Variants in ELP4 observed in about 807,000 individuals in gnomAD.
The protein encoded by ELP4 is elongator complex protein 4.
A neutral mutation model predicts 48.9 loss-of-function variants in ELP4; 51 were observed. That is an observed-to-expected ratio of 1.04 (90% CI 0.83 to 1.32). The LOEUF (loss-of-function observed/expected upper bound fraction) is 1.32. ELP4 is among the 40% of genes most tolerant of loss of function. The pLI, the probability that ELP4 is intolerant of heterozygous loss-of-function variation, is 0.00. For missense variants in ELP4, 519 were observed against 514.6 expected (o/e 1.01, Z -0.08); for synonymous variants, 210 against 189.2 (o/e 1.11, Z -0.90).
At chr11:31,517,893 C>T (rs1362955052) in intron 1 of ELP4, among the ~76,000 whole-genome samples, 4 of 152,094 alleles carry the variant, frequency 2.6e-5, no homozygotes, top group African/African-American at 7.2e-5. Context: ...GCTGGGATTA[C>T]AGTCGTGAGC....
At chr11:31,738,581 C>T (rs899785665) in intron 9 of ELP4, among the ~76,000 whole-genome samples, 2 of 151,752 alleles carry the variant, frequency 1.3e-5, no homozygotes, top group Non-Finnish European at 2.9e-5. Flanking sequence ...ACAAAAAATA[C>T]AAAAGTTTGC....
At chr11:31,577,663 C>T (rs1957309860) in intron 3 of ELP4, among the ~76,000 whole-genome samples, 1 of 151,990 alleles carries the variant, frequency 6.6e-6, no homozygotes, top group African/African-American at 2.4e-5. Context: ...TAAATGTAAT[C>T]CATCGTATAA....
chr11:31,537,047 G>A (rs927727610), intron 2 of ELP4, among the ~76,000 whole-genome samples: 16 of 151,834 alleles, frequency 1.1e-4, no homozygotes, highest in African/African-American at 3.6e-4. Context: ...AGAAACATTT[G>A]CCTACTCCAA....
At chr11:31,713,788 A>C (rs1235431746) in intron 9 of ELP4, among the ~76,000 whole-genome samples, 1 of 152,180 alleles carries the variant, frequency 6.6e-6, no homozygotes, top group African/African-American at 2.4e-5. Context: ...AAACATACAC[A>C]AAAGTAGAGA....
Position 31,635,731 on chromosome 11 carries a change from T to A in ELP4, c.927+3326T>A, listed in dbSNP as rs542178538. On this transcript the variant is annotated intron_variant, in intron 7 of 9. Coordinates refer to ENST00000640961, the MANE Select transcript of ELP4 (RefSeq NM_019040.5). Reference sequence around the variant, plus strand: ...TGGCACATAGTAGGCATTCAATATATGTTAGCAGTTGTCATCTTCACTATT... The same window carrying A: ...TGGCACATAGTAGGCATTCAATATAAGTTAGCAGTTGTCATCTTCACTATT... 2.0e-5 allele frequency among the ~76,000 whole-genome samples: 3 copies of A among 152,146 alleles called. No homozygotes were observed. The South Asian group carries it at 6.2e-4, about 32-fold the overall frequency.
chr11:31,735,552 A>T (rs1947293335), intron 9 of ELP4, among the ~76,000 whole-genome samples: 1 of 152,142 alleles, frequency 6.6e-6, no homozygotes, highest in African/African-American at 2.4e-5. Flanking sequence ...TTTGCAGATG[A>T]CATGATTGTA....
intron 9 of ELP4, among the ~76,000 whole-genome samples, chr11:31,718,451 C>T (rs1946886271): frequency 6.6e-6 from 1 of 152,232 alleles, no homozygotes; most frequent in Non-Finnish European, 1.5e-5. Context: ...ACACTCATTA[C>T]ATTCAAGGCT....
chr11:31,515,025 GTGTGTGTGTA>G (rs1401628574), intron 1 of ELP4, among the ~76,000 whole-genome samples: 44 of 137,920 alleles, frequency 3.2e-4, no homozygotes, highest in African/African-American at 9.7e-4. Context: ...GTGTGTGTGT[GTGTGTGTGTA>G]TATATATATA....
intron 9 of ELP4, among the ~76,000 whole-genome samples, chr11:31,733,007 G>C (rs1049595122): frequency 6.6e-6 from 1 of 152,088 alleles, no homozygotes; most frequent in African/African-American, 2.4e-5. Flanking sequence ...TAATAGAAGA[G>C]ACAGAAGCTT....
intron 9 of ELP4, among the ~76,000 whole-genome samples, chr11:31,657,044 T>A (rs1257754778): frequency 1.3e-5 from 2 of 152,056 alleles, no homozygotes; most frequent in Admixed American, 6.6e-5. Flanking sequence ...CTTAAATGTA[T>A]TTTTCAAGTT....
intron 3 of ELP4, among the ~76,000 whole-genome samples, chr11:31,589,824 G>A (rs577674370): frequency 6.6e-6 from 1 of 152,152 alleles, no homozygotes; most frequent in Admixed American, 6.5e-5. Flanking sequence ...TTCTACACTT[G>A]TCCACAAAAA....
intron 9 of ELP4, among the ~76,000 whole-genome samples, chr11:31,758,435 T>C (rs1447063154): frequency 6.6e-6 from 1 of 152,218 alleles, no homozygotes; most frequent in Non-Finnish European, 1.5e-5. Context: ...AGGAACTTGA[T>C]TGTTAAGCCC....
At chr11:31,610,725 A>T (rs1957963890) in intron 5 of ELP4, among the ~76,000 whole-genome samples, 1 of 152,238 alleles carries the variant, frequency 6.6e-6, no homozygotes, top group African/African-American at 2.4e-5. Flanking sequence ...TGTCCTTTAA[A>T]GGCCATCAGG....
At chr11:31,550,395 G>T (rs1263834416) in intron 3 of ELP4, among the ~76,000 whole-genome samples, 1 of 152,038 alleles carries the variant, frequency 6.6e-6, no homozygotes, top group Admixed American at 6.6e-5. Context: ...CAAAAAGTTT[G>T]TGGAAAAATG....
chr11:31,538,024 A>G (rs769388578), intron 2 of ELP4, among the ~76,000 whole-genome samples: 3 of 152,010 alleles, frequency 2.0e-5, no homozygotes, highest in African/African-American at 7.2e-5. Flanking sequence ...GGTCTTCTAT[A>G]CTCTCAGAAT....
intron 7 of ELP4, among the ~76,000 whole-genome samples, chr11:31,639,688 A>G (rs1226856869): frequency 6.6e-6 from 1 of 151,948 alleles, no homozygotes; most frequent in African/African-American, 2.4e-5. Context: ...TAAGAACAGG[A>G]TATATTTTAA....
intron 9 of ELP4, among the ~76,000 whole-genome samples, chr11:31,766,256 A>T: frequency 6.6e-6 from 1 of 152,186 alleles, no homozygotes; most frequent in East Asian, 1.9e-4. Flanking sequence ...ATAACCACGG[A>T]AATATAACGG....
At chr11:31,591,737 T>G (rs1365615498) in intron 3 of ELP4, among the ~76,000 whole-genome samples, 1 of 152,158 alleles carries the variant, frequency 6.6e-6, no homozygotes, top group Non-Finnish European at 1.5e-5. Context: ...ATCCTGTGAC[T>G]CGGGAATTCC....
chr11:31,543,397 G>A (rs1342912510), intron 3 of ELP4, among the ~76,000 whole-genome samples: 2 of 152,090 alleles, frequency 1.3e-5, no homozygotes, highest in African/African-American at 4.8e-5. Flanking sequence ...TTGGCCCACT[G>A]CAAGCTCCGC....
Sources: allele counts gnomAD v4.1 joint callset (sites outside exome capture counted in the v4.1 genomes callset), GRCh38; gene constraint gnomAD v4.1.1; transcripts MANE v1.5; gene names NCBI Gene and HGNC (gene_info 2026-07-23, HGNC 2026-07-21).